PCSK1: variants seen among roughly 807,000 people sequenced by gnomAD.
PCSK1 encodes proprotein convertase subtilisin/kexin type 1.
In PCSK1, 56 loss-of-function variants were observed where a neutral mutation model predicts 90.6. The observed-to-expected ratio is 0.62, with a 90% CI of 0.50 to 0.77. The LOEUF is 0.77. Among genes scored for constraint, PCSK1 ranks in the 30% least tolerant of loss-of-function variants. The pLI, the probability that PCSK1 is intolerant of heterozygous loss-of-function variation, is 0.00. For synonymous variants in PCSK1, 348 were observed against 342.4 expected (o/e 1.02, Z -0.18); for missense variants, 801 against 932.6 (o/e 0.86, Z 1.84).
chr5:96,403,125 A>G (rs1473688980), intron 9 of PCSK1, among the ~76,000 whole-genome samples: 2 of 152,134 alleles, frequency 1.3e-5, no homozygotes, highest in East Asian at 3.9e-4. Flanking sequence ...CACATATAGC[A>G]TGTGTGTCCT....
intron 1 of PCSK1, among the ~76,000 whole-genome samples, 167 bp from the exon 2 acceptor site, chr5:96,429,484 A>C (rs552887469): frequency 6.6e-6 from 1 of 152,298 alleles, no homozygotes; most frequent in African/African-American, 2.4e-5. Flanking sequence ...TCAGCAGTAC[A>C]AGTACAGGTT....
At position 96,432,186 on chromosome 5, in the gene PCSK1, A is replaced by G. The variant is rs79899882; in HGVS notation, c.180+677T>C. 3.8e-4 allele frequency: 562 copies of G among 1,497,796 alleles called. 2 individuals carry two copies. The African/African-American group carries it at 6.8e-3, about 18-fold the overall frequency. 92.8% of individuals were successfully genotyped at this position (1,497,796 alleles called of 1,614,324 possible). ...GGCAAAGTTATGAAGCTTGGACTTT[A>G]TAAGTTCCCAGTGAAAAGCCGGAGC... On this transcript the variant is annotated intron_variant, in intron 1 of 13. Transcript: ENST00000311106.
At chr5:96,405,474 G>T (rs947427093) in intron 9 of PCSK1, among the ~76,000 whole-genome samples, 1 of 152,156 alleles carries the variant, frequency 6.6e-6, no homozygotes, top group Non-Finnish European at 1.5e-5. Context: ...AATGAGGCTA[G>T]ATCATTCCTA....
chr5:96,416,161 A>G (rs1319422035), intron 5 of PCSK1, 40 bp from the exon 6 acceptor site: 1 of 1,378,202 alleles, frequency 7.3e-7, no homozygotes, highest in Admixed American at 1.7e-5. Flanking sequence ...CATACAGAAG[A>G]ACAAACATTT....
intron 5 of PCSK1, among the ~76,000 whole-genome samples, 176 bp downstream of exon 5, chr5:96,421,704 T>C (rs1002196766): frequency 6.6e-6 from 1 of 152,114 alleles, no homozygotes; most frequent in African/African-American, 2.4e-5. Context: ...CCAAAGGGAA[T>C]ATAAAAATAG....
intron 12 of PCSK1, among the ~76,000 whole-genome samples, chr5:96,396,892 C>T (rs957506974): frequency 6.6e-6 from 1 of 152,200 alleles, no homozygotes; most frequent in Non-Finnish European, 1.5e-5. Flanking sequence ...TAAGATATCT[C>T]TCCAAACATT....
In PCSK1 at chr5:96,399,842, C is replaced by T; in HGVS notation, c.1430+111G>A. 4 of 818,088 alleles carry T rather than the reference C, an allele frequency of 4.9e-6. No homozygotes were observed. The South Asian group carries it at 5.9e-5, about 12-fold the overall frequency. 50.7% of individuals were successfully genotyped at this position (818,088 alleles called of 1,614,324 possible). A position where few individuals can be genotyped will look rare whatever the true frequency, so the allele number is the denominator to read the frequency against. On this transcript the variant is annotated intron_variant, in intron 10 of 13. Transcript: ENST00000311106. ...CCACAGAGAACACTAGAAAATTCCA[C>T]CTCCATCTACTTCAGAAGGGTAGAT...
intron 1 of PCSK1, 46 bp from the exon 2 acceptor site, chr5:96,429,363 G>T: frequency 9.6e-7 from 1 of 1,042,060 alleles, no homozygotes; most frequent in Non-Finnish European, 1.5e-6. Context: ...TCCCAAACAA[G>T]TATATATGGA....
chr5:96,409,250 G>A (rs577812352), intron 8 of PCSK1, among the ~76,000 whole-genome samples: 84 of 152,246 alleles, frequency 5.5e-4, no homozygotes, highest in Middle Eastern at 3.4e-3. Context: ...CAGCACCGAA[G>A]TTCTAGCTCG....
chr5:96,426,027 G>T, intron 2 of PCSK1, 97 bp from the exon 3 acceptor site: 4 of 737,026 alleles, frequency 5.4e-6, no homozygotes, highest in Non-Finnish European at 9.6e-6. Flanking sequence ...CAGAGTTCAG[G>T]CAGCTCTGCA....
intron 1 of PCSK1, among the ~76,000 whole-genome samples, chr5:96,430,382 C>T (rs1276868924): frequency 6.6e-6 from 1 of 152,176 alleles, no homozygotes; most frequent in Non-Finnish European, 1.5e-5. Context: ...ATTGGTGATT[C>T]TCATCGCCCA....
chr5:96,409,486 T>C (rs1168839529), intron 8 of PCSK1, among the ~76,000 whole-genome samples: 1 of 152,352 alleles, frequency 6.6e-6, no homozygotes, highest in Non-Finnish European at 1.5e-5. Context: ...TTACTGAGAC[T>C]GTCTCAAATA....
chr5:96,400,687 T>TCC (rs1159159411), intron 9 of PCSK1, among the ~76,000 whole-genome samples: 2 of 152,222 alleles, frequency 1.3e-5, no homozygotes, highest in East Asian at 3.8e-4. Flanking sequence ...CCTTTTTCTT[T>TCC]ATCTATCAAA....
Position 96,432,923 on chromosome 5 carries a change from G to A in PCSK1, c.120C>T (p.Pro40=). 6.2e-7 allele frequency: 1 copy of A among 1,614,130 alleles called. No individual in the cohort carries two copies. Among genetic ancestry groups the A allele is most frequent in the Non-Finnish European group, 8.5e-7 (1 of 1,179,976 alleles). The change falls in exon 1 of 14, where the codon CCC becomes CCT. Residue 40 remains proline, a synonymous_variant. Transcript: ENST00000311106. Reference sequence around the variant, plus strand: ...TGGCCGAGGCTGCTTCCGGGCCCCCGGGGATCTCCGCTGCCCATTCATTGA... The same window carrying A: ...TGGCCGAGGCTGCTTCCGGGCCCCCAGGGATCTCCGCTGCCCATTCATTGA... The part of the protein sequence containing the change: ...QFVNEWAAEI[P]GGPEAASAIA...
At position 96,393,061 on chromosome 5, in the gene PCSK1, G is replaced by A; in HGVS notation, c.2202C>T (p.Tyr734=). The A allele has an allele frequency of 1.2e-6, 2 of 1,614,024 alleles. No homozygotes were observed. The highest frequency in any genetic ancestry group is 1.7e-6 in the Non-Finnish European group (2 of 1,179,882). ...YVDVFYNTKP[Y]KHRDDRLLQA... ...GAAGCAGCCGGTCGTCTCTGTGCTT[G>A]TAAGGTTTAGTGTTATAAAAAACAT... The change falls in exon 14 of 14, where the codon TAC becomes TAT. Residue 734 remains tyrosine, a synonymous_variant. Coordinates refer to ENST00000311106, the MANE Select transcript of PCSK1 (RefSeq NM_000439.5).
chr5:96,415,607 A>T (rs1313715608), intron 6 of PCSK1, among the ~76,000 whole-genome samples: 1 of 152,240 alleles, frequency 6.6e-6, no homozygotes, highest in Non-Finnish European at 1.5e-5. Flanking sequence ...TAATATAATA[A>T]GTATGTACTT....
intron 9 of PCSK1, among the ~76,000 whole-genome samples, chr5:96,401,218 C>G (rs2112402123): frequency 6.6e-6 from 1 of 151,826 alleles, no homozygotes; most frequent in East Asian, 1.9e-4. Context: ...GAAAGAATTT[C>G]CATGGAATAG....
intron 8 of PCSK1, among the ~76,000 whole-genome samples, chr5:96,408,798 GA>G (rs1466409725): frequency 1.3e-5 from 2 of 152,184 alleles, no homozygotes; most frequent in Non-Finnish European, 2.9e-5. Flanking sequence ...TTAGCCATTT[GA>G]ACTACTTGCA....
intron 12 of PCSK1, 141 bp from the exon 13 acceptor site, chr5:96,395,166 C>A: frequency 1.4e-6 from 1 of 722,714 alleles, no homozygotes; most frequent in Non-Finnish European, 2.4e-6. Context: ...CCATTGGATC[C>A]ACTCTTGCTA....
Sources: allele counts gnomAD v4.1 joint callset (sites outside exome capture counted in the v4.1 genomes callset), GRCh38; gene constraint gnomAD v4.1.1; transcripts MANE v1.5; gene names NCBI Gene and HGNC (gene_info 2026-07-23, HGNC 2026-07-21).